DLGAP2: variants seen among roughly 807,000 people sequenced by gnomAD.
DLGAP2 encodes the protein DLG associated protein 2, also known as disks large-associated protein 2.
In DLGAP2, 26 loss-of-function variants were observed where a neutral mutation model predicts 100.3. The observed-to-expected ratio is 0.26, with a 90% CI of 0.19 to 0.36. DLGAP2 has a LOEUF of 0.36. Ranked by LOEUF, DLGAP2 falls within the 10% of genes least tolerant of loss-of-function variation. DLGAP2 has a pLI of 1.00. For missense variants in DLGAP2, 1,858 were observed against 1,453.2 expected, an observed-to-expected ratio of 1.28 and a Z score of -4.53; for synonymous variants, 886 against 630.1, an observed-to-expected ratio of 1.41 and a Z score of -6.08.
At chr8:772,160 C>G (rs184327503) in intron 1 of DLGAP2, among the ~76,000 whole-genome samples, 1 of 152,114 alleles carries the variant, frequency 6.6e-6, no homozygotes, top group Non-Finnish European at 1.5e-5. Flanking sequence ...CTCAGCCTCC[C>G]AAAGTGCAGG....
chr8:1,067,823 G>A (rs1488410111), intron 2 of DLGAP2, among the ~76,000 whole-genome samples: 1 of 151,564 alleles, frequency 6.6e-6, no homozygotes. Context: ...CCCGGAGTCC[G>A]TGGTTCACCT....
intron 2 of DLGAP2, among the ~76,000 whole-genome samples, chr8:916,205 A>T (rs1291377741): frequency 6.6e-6 from 1 of 152,216 alleles, no homozygotes; most frequent in African/African-American, 2.4e-5. Flanking sequence ...GGTTACCTTA[A>T]AGTCTTTCCA....
chr8:1,425,588 C>T (rs1424306016), intron 3 of DLGAP2, among the ~76,000 whole-genome samples: 1 of 152,188 alleles, frequency 6.6e-6, no homozygotes, highest in Non-Finnish European at 1.5e-5. Context: ...ATGTGGACCT[C>T]TCCAGATCCC....
intron 2 of DLGAP2, among the ~76,000 whole-genome samples, chr8:1,061,701 C>G (rs1156462477): frequency 6.6e-6 from 1 of 151,054 alleles, no homozygotes; most frequent in East Asian, 2.0e-4. Context: ...GCACGTTGTG[C>G]TACAGAATCA....
At position 945,103 on chromosome 8, in the gene DLGAP2, G is replaced by T. The variant is rs558199563; in HGVS notation, c.73+37137G>T. ...TTTGGGAATTCTTTGACAGAAACCT[G>T]TATTGGGGAGAATGAGGATTCAGTG... On this transcript the variant is annotated intron_variant, in intron 2 of 14. Transcript: ENST00000637795. Among the ~76,000 whole-genome samples, 20 of 152,336 alleles carry T rather than the reference G, an allele frequency of 1.3e-4. No homozygotes were observed. In the South Asian group the frequency reaches 3.3e-3, roughly 25 times the overall value.
intron 2 of DLGAP2, among the ~76,000 whole-genome samples, chr8:974,119 G>A (rs536637075): frequency 5.9e-5 from 9 of 152,282 alleles, no homozygotes; most frequent in African/African-American, 1.9e-4. Context: ...AAAAGTTGAT[G>A]AGAATTTTTC....
Position 1,064,062 on chromosome 8 carries a change from C to T in DLGAP2, c.73+156096C>T, listed in dbSNP as rs73670421. On this transcript the variant is annotated intron_variant, in intron 2 of 14. Transcript: ENST00000637795. ...GCCAGCCTTTAACGGGGTTTGCAGC[C>T]CAGGGCAGAGAGTTTCACTGGGAAC... Among the ~76,000 whole-genome samples the T allele has an allele frequency of 1.2e-3, 180 of 151,986 alleles. No homozygotes were observed. In the Middle Eastern group the frequency reaches 0.014, roughly 11 times the overall value.
chr8:1,113,477 C>T (rs924020254), intron 2 of DLGAP2, among the ~76,000 whole-genome samples: 9 of 152,140 alleles, frequency 5.9e-5, no homozygotes, highest in Non-Finnish European at 1.3e-4. Flanking sequence ...AATGTAATTA[C>T]CTTCCTGATT....
At chr8:805,006 A>G (rs554683560) in intron 1 of DLGAP2, among the ~76,000 whole-genome samples, 3 of 152,106 alleles carry the variant, frequency 2.0e-5, no homozygotes, top group Non-Finnish European at 2.9e-5. Flanking sequence ...CCCAGGCTCA[A>G]GTGATTGGCC....
chr8:963,072 C>T (rs1045194072), intron 2 of DLGAP2, among the ~76,000 whole-genome samples: 11 of 152,124 alleles, frequency 7.2e-5, no homozygotes, highest in South Asian at 2.1e-4. Context: ...TCGGTGCGGG[C>T]GCCATCCAGG....
At chr8:1,334,399 T>C (rs1801225116) in intron 3 of DLGAP2, among the ~76,000 whole-genome samples, 1 of 152,116 alleles carries the variant, frequency 6.6e-6, no homozygotes, top group Non-Finnish European at 1.5e-5. Flanking sequence ...CCACATCAAA[T>C]GGTGGATATG....
chr8:877,795 G>T (rs1340070631), intron 1 of DLGAP2, among the ~76,000 whole-genome samples: 3 of 152,102 alleles, frequency 2.0e-5, no homozygotes, highest in Non-Finnish European at 4.4e-5. Context: ...AATGAGGTTT[G>T]GCTCCTTTGG....
intron 2 of DLGAP2, among the ~76,000 whole-genome samples, chr8:1,092,342 C>A: frequency 6.6e-6 from 1 of 152,226 alleles, no homozygotes; most frequent in East Asian, 1.9e-4. Flanking sequence ...TGCTTGGTGG[C>A]CACGTGGATG....
At chr8:1,365,197 C>T (rs562293740) in intron 3 of DLGAP2, among the ~76,000 whole-genome samples, 2 of 152,176 alleles carry the variant, frequency 1.3e-5, no homozygotes, top group Non-Finnish European at 2.9e-5. Context: ...TGGGTGGTCA[C>T]TTCTACCCGG....
chr8:871,994 T>A (rs1189462168), intron 1 of DLGAP2, among the ~76,000 whole-genome samples: 1 of 152,246 alleles, frequency 6.6e-6, no homozygotes, highest in African/African-American at 2.4e-5. Flanking sequence ...GTTAGCTATT[T>A]CCACACATAT....
intron 8 of DLGAP2, among the ~76,000 whole-genome samples, chr8:1,664,882 A>G (rs1487286128): frequency 6.6e-6 from 1 of 152,342 alleles, no homozygotes; most frequent in South Asian, 2.1e-4. Flanking sequence ...ACACTTAGAA[A>G]GAGCATCATG....
At chr8:1,011,832 G>T (rs1336650757) in intron 2 of DLGAP2, among the ~76,000 whole-genome samples, 1 of 152,178 alleles carries the variant, frequency 6.6e-6, no homozygotes, top group Non-Finnish European at 1.5e-5. Context: ...GTGGGCCCTG[G>T]GCGAGGGTGT....
At chr8:1,603,055 G>C (rs1043603116) in intron 6 of DLGAP2, among the ~76,000 whole-genome samples, 3 of 152,082 alleles carry the variant, frequency 2.0e-5, no homozygotes, top group African/African-American at 4.8e-5. Context: ...GAGTTCTGCA[G>C]AGCTTGGTTA....
intron 3 of DLGAP2, among the ~76,000 whole-genome samples, chr8:1,428,781 A>G (rs1317085257): frequency 6.6e-6 from 1 of 152,196 alleles, no homozygotes; most frequent in Non-Finnish European, 1.5e-5. Flanking sequence ...TGTGGCTCAT[A>G]TCAGTGCATG....
Sources: gnomAD v4.1 joint callset for allele counts (sites outside exome capture counted in the v4.1 genomes callset) on GRCh38, gnomAD v4.1.1 for gene constraint, MANE v1.5 for transcripts, NCBI Gene and HGNC (gene_info 2026-07-23, HGNC 2026-07-21) for gene names.